Variants in TBC1D19 observed in about 807,000 individuals in gnomAD.
TBC1D19 encodes TBC1 domain family member 19.
TBC1D19 carries 60 observed loss-of-function variants against 89.0 expected under a neutral mutation model. That is an observed-to-expected ratio of 0.67 (90% CI 0.55 to 0.84). The LOEUF (loss-of-function observed/expected upper bound fraction) is 0.84. TBC1D19 is among the 40% of genes least tolerant of loss of function. TBC1D19 has a pLI of 0.00. For synonymous variants in TBC1D19, 189 were observed against 199.7 expected (o/e 0.95, Z 0.45); for missense variants, 500 against 610.8 (o/e 0.82, Z 1.91).
chr4:26,677,572 C>T (rs539883231), intron 11 of TBC1D19, among the ~76,000 whole-genome samples: 33 of 152,132 alleles, frequency 2.2e-4, no homozygotes, highest in African/African-American at 5.1e-4. Context: ...CCGCCTGCCT[C>T]GGCCTCCCAA....
At position 26,620,748 on chromosome 4, in the gene TBC1D19, A is replaced by C. The variant is rs1741996079; in HGVS notation, c.294+60A>C. 2.7e-6 allele frequency: 4 copies of C among 1,469,802 alleles called. No homozygotes were observed. The Admixed American group carries it at 7.0e-5, about 26-fold the overall frequency. The allele number at this position is 1,469,802 out of a possible 1,614,324, so 91.0% of individuals were successfully genotyped here. On this transcript the variant is annotated intron_variant, in intron 4 of 20. Transcript: ENST00000264866. Reference sequence around the variant, plus strand: ...TGCCAAGTTATGTAATACAGAGCAAAAGATCATTACTGATGTCAGGAGTAT... The same window carrying C: ...TGCCAAGTTATGTAATACAGAGCAACAGATCATTACTGATGTCAGGAGTAT...
chr4:26,734,870 G>T (rs559422215), intron 15 of TBC1D19, among the ~76,000 whole-genome samples: 16 of 145,162 alleles, frequency 1.1e-4, no homozygotes, highest in East Asian at 4.2e-4. Flanking sequence ...CTGTTGTTTT[G>T]TGTGTGTATA....
intron 11 of TBC1D19, among the ~76,000 whole-genome samples, chr4:26,681,677 A>C (rs1444685608): frequency 6.6e-6 from 1 of 152,230 alleles, no homozygotes; most frequent in Admixed American, 6.5e-5. Flanking sequence ...AAACAACCTG[A>C]GTATCCATCT....
chr4:26,662,330 A>C (rs1447260692), intron 8 of TBC1D19, among the ~76,000 whole-genome samples: 1 of 152,260 alleles, frequency 6.6e-6, no homozygotes, highest in Non-Finnish European at 1.5e-5. Context: ...GGGATTAAGA[A>C]TATAGTATGC....
the TBC1D19 span, among the ~76,000 whole-genome samples, chr4:26,840,341 C>CA: frequency 0.025 from 3,756 of 152,226 alleles, 161 homozygotes; most frequent in African/African-American, 0.086. Context: ...CTTGGCCTCC[C>CA]AAAGTCCTGG....
intron 18 of TBC1D19, among the ~76,000 whole-genome samples, chr4:26,745,835 A>G (rs1011092098): frequency 1.3e-5 from 2 of 151,926 alleles, no homozygotes; most frequent in African/African-American, 4.8e-5. Context: ...AATTAATCAC[A>G]TTCTACCTTC....
chr4:26,785,639 G>A, the TBC1D19 span, among the ~76,000 whole-genome samples: 1 of 152,210 alleles, frequency 6.6e-6, no homozygotes, highest in African/African-American at 2.4e-5. Context: ...AACTCAATCT[G>A]GATGGGCAGG....
rs1436818670 is a variant in TBC1D19, at chr4:26,688,354, T to C, written c.901T>C (p.Leu301=). 2 of 1,571,560 alleles carry C rather than the reference T, an allele frequency of 1.3e-6. No individual in the cohort carries two copies. Among genetic ancestry groups the C allele is most frequent in the African/African-American group, 1.4e-5 (1 of 74,012 alleles). The change falls in exon 13 of 21, where the codon TTG becomes CTG. Residue 301 remains leucine, a synonymous_variant. Transcript: ENST00000264866. ...VDSLIYKDVK[L]TASNDDYYFV... ...CTACTTTTAATTATAGGATGTGAAG[T>C]TGACAGCAAGCAATGATGATTATTA... is the stretch of plus-strand genomic sequence containing the variant.
At chr4:26,753,455 C>T (rs1719090280) in intron 19 of TBC1D19, among the ~76,000 whole-genome samples, 1 of 152,156 alleles carries the variant, frequency 6.6e-6, no homozygotes, top group Non-Finnish European at 1.5e-5. Context: ...CATAGTAAGA[C>T]ACCATCTCTA....
At chr4:26,748,560 T>G in intron 19 of TBC1D19, 34 bp downstream of exon 19, 1 of 1,454,676 alleles carries the variant, frequency 6.9e-7, no homozygotes. Flanking sequence ...GAACACATGC[T>G]GTTTCTATAA....
chr4:26,849,660 C>G, the TBC1D19 span, among the ~76,000 whole-genome samples: 1 of 152,162 alleles, frequency 6.6e-6, no homozygotes, highest in Non-Finnish European at 1.5e-5. Context: ...TTAGTAGTCA[C>G]TTGATACATA....
the TBC1D19 span, among the ~76,000 whole-genome samples, chr4:26,795,007 G>A: frequency 6.6e-6 from 1 of 152,184 alleles, no homozygotes; most frequent in African/African-American, 2.4e-5. Flanking sequence ...CCAGCTACCA[G>A]CCAGAGTGAT....
the TBC1D19 span, among the ~76,000 whole-genome samples, chr4:26,773,045 T>C: frequency 6.6e-6 from 1 of 152,332 alleles, no homozygotes; most frequent in South Asian, 2.1e-4. Context: ...CACCACACTA[T>C]CTTCCACAGT....
chr4:26,729,937 A>G (rs1369205438), intron 15 of TBC1D19, among the ~76,000 whole-genome samples: 1 of 152,220 alleles, frequency 6.6e-6, no homozygotes, highest in Non-Finnish European at 1.5e-5. Flanking sequence ...AGATGGATAA[A>G]TAGTGGAAAG....
chr4:26,801,293 G>C, the TBC1D19 span, among the ~76,000 whole-genome samples: 1 of 151,758 alleles, frequency 6.6e-6, no homozygotes, highest in East Asian at 1.9e-4. Flanking sequence ...CTTTTTGTCA[G>C]GTTTGTCAAA....
At chr4:26,626,300 C>A (rs755980716) in intron 4 of TBC1D19, among the ~76,000 whole-genome samples, 5 of 152,060 alleles carry the variant, frequency 3.3e-5, no homozygotes, top group Non-Finnish European at 7.4e-5. Flanking sequence ...ATGTAAAATA[C>A]CTTGGGAAAT....
chr4:26,762,879 G>A, the TBC1D19 span, among the ~76,000 whole-genome samples: 1 of 152,090 alleles, frequency 6.6e-6, no homozygotes, highest in Non-Finnish European at 1.5e-5. Context: ...GAAGGAAATG[G>A]AGTCTCCCAT....
the TBC1D19 span, among the ~76,000 whole-genome samples, chr4:26,767,533 C>T: frequency 7.2e-5 from 11 of 152,066 alleles, no homozygotes; most frequent in African/African-American, 1.2e-4. Context: ...CATGATGGAA[C>T]GTAGCTCTCT....
chr4:26,776,538 CT>C, the TBC1D19 span, among the ~76,000 whole-genome samples: 2 of 152,144 alleles, frequency 1.3e-5, no homozygotes, highest in African/African-American at 4.8e-5. Context: ...AGTCTTAGTT[CT>C]ACAAGTAATT....
Sources: allele counts gnomAD v4.1 joint callset (sites outside exome capture counted in the v4.1 genomes callset), GRCh38; gene constraint gnomAD v4.1.1; transcripts MANE v1.5; gene names NCBI Gene and HGNC (gene_info 2026-07-23, HGNC 2026-07-21).